The following LMAN2L variants were observed in gnomAD, a reference collection of about 807,000 sequenced individuals.
LMAN2L encodes VIP36-like protein.
LMAN2L carries 30 observed loss-of-function variants against 44.3 expected under a neutral mutation model. The ratio of observed to expected loss-of-function variants is 0.68; its 90% CI spans 0.51 to 0.92. The LOEUF (loss-of-function observed/expected upper bound fraction) is 0.92. Ranked by LOEUF, LMAN2L falls within the 40% of genes least tolerant of loss-of-function variation. The probability of loss-of-function intolerance (pLI) is 0.00; values close to 1 mark genes in which losing one functional copy is unlikely to be tolerated. For synonymous variants in LMAN2L, 183 were observed against 171.1 expected, an observed-to-expected ratio of 1.07 and a Z score of -0.54; for missense variants, 429 against 446.1, an observed-to-expected ratio of 0.96 and a Z score of 0.35.
In LMAN2L at chr2:96,705,965, G is replaced by A. The variant is rs2153318295; in HGVS notation, c.*1291C>T. On this transcript the variant is annotated 3_prime_UTR_variant, in exon 8 of 8. Coordinates refer to ENST00000264963, the MANE Select transcript of LMAN2L (RefSeq NM_030805.4). ...CGGTGATTTTAAGAATTTCATTTAG[G>A]CTACAGAGGTTCATAGGAGGACTCA... The A allele has an allele frequency of 1.3e-5, 2 of 152,554 alleles. No individual in the cohort carries two copies. Among genetic ancestry groups the A allele is most frequent in the South Asian group, 4.1e-4 (2 of 4,820 alleles). The allele number at this position is 152,554 out of a possible 1,614,324, so 9.5% of individuals were successfully genotyped here.
intron 2 of LMAN2L, among the ~76,000 whole-genome samples, chr2:96,736,236 T>C (rs2078512896): frequency 6.6e-6 from 1 of 152,182 alleles, no homozygotes; most frequent in Non-Finnish European, 1.5e-5. Context: ...TGGATTCACC[T>C]ACGGAGTTTT....
rs1235771374 is a variant in LMAN2L, at chr2:96,711,861, C to T, written c.669+3G>A. On this transcript the variant is annotated splice_donor_region_variant and intron_variant, in intron 5 of 7. Transcript: ENST00000264963. Reference sequence around the variant, plus strand: ...CCATCTGGTCCAGGACAAGGACTCTCACCGTCAAATGCCTCTTGACGTAGC... The same window carrying T: ...CCATCTGGTCCAGGACAAGGACTCTTACCGTCAAATGCCTCTTGACGTAGC... The T allele has an allele frequency of 6.2e-7, 1 of 1,614,238 alleles. No homozygotes were observed.
intron 6 of LMAN2L, among the ~76,000 whole-genome samples, chr2:96,710,629 AC>A (rs2153320976): frequency 6.6e-6 from 1 of 152,182 alleles, no homozygotes; most frequent in East Asian, 1.9e-4. Context: ...GCGCCACTGC[AC>A]CCCAGCCTGG....
At chr2:96,729,195 A>T (rs999135833) in intron 4 of LMAN2L, among the ~76,000 whole-genome samples, 2 of 151,780 alleles carry the variant, frequency 1.3e-5, no homozygotes, top group Admixed American at 6.6e-5. Flanking sequence ...AATAAAATAA[A>T]ATAAAACAAA....
chr2:96,732,375 G>C (rs1447130623), intron 4 of LMAN2L, among the ~76,000 whole-genome samples: 1 of 151,096 alleles, frequency 6.6e-6, no homozygotes, highest in Non-Finnish European at 1.5e-5. Flanking sequence ...GCCGGGCATG[G>C]TGACTCACGC....
intron 4 of LMAN2L, among the ~76,000 whole-genome samples, chr2:96,732,700 A>C (rs2078429373): frequency 6.6e-6 from 1 of 151,804 alleles, no homozygotes; most frequent in Non-Finnish European, 1.5e-5. Context: ...AGGTCAGGTA[A>C]CAAAAAGGCC....
chr2:96,710,527 G>A (rs1029319455), intron 6 of LMAN2L, among the ~76,000 whole-genome samples: 3 of 152,096 alleles, frequency 2.0e-5, no homozygotes, highest in Non-Finnish European at 4.4e-5. Context: ...TTAGCTGGGC[G>A]TGGTGGCGCG....
At chr2:96,715,353 T>G (rs193034282) in intron 4 of LMAN2L, among the ~76,000 whole-genome samples, 1 of 152,366 alleles carries the variant, frequency 6.6e-6, no homozygotes, top group East Asian at 1.9e-4. Context: ...TCTGTCTACT[T>G]CGGCAACACG....
intron 4 of LMAN2L, among the ~76,000 whole-genome samples, chr2:96,721,185 C>T (rs1306567718): frequency 6.6e-6 from 1 of 152,162 alleles, no homozygotes; most frequent in African/African-American, 2.4e-5. Flanking sequence ...TCTGTCTCTA[C>T]AGATTTGCCT....
At chr2:96,712,118 G>C (rs1352647731) in intron 4 of LMAN2L, 93 bp from the exon 5 acceptor site, 1 of 1,276,210 alleles carries the variant, frequency 7.8e-7, no homozygotes, top group African/African-American at 1.5e-5. Flanking sequence ...TACAAGTTGA[G>C]CCCCTTACAG....
At chr2:96,723,369 C>A (rs1012235891) in intron 4 of LMAN2L, among the ~76,000 whole-genome samples, 6 of 152,268 alleles carry the variant, frequency 3.9e-5, no homozygotes, top group Non-Finnish European at 7.4e-5. Context: ...AGATCTTTTG[C>A]CCATTTTCTA....
chr2:96,707,699 G>A lies in LMAN2L; in HGVS notation c.904+15C>T. 2 of 1,613,638 alleles carry A rather than the reference G, an allele frequency of 1.2e-6. No homozygotes were observed. Among genetic ancestry groups the A allele is most frequent in the Non-Finnish European group, 1.7e-6 (2 of 1,179,880 alleles). On this transcript the variant is annotated intron_variant, in intron 7 of 7. Transcript: ENST00000264963. ...CCCAACTATGGGACCATTTCCCGCG[G>A]GCCCCTGTGCTCACTCTCAGGCAGC...
At position 96,707,761 on chromosome 2, in the gene LMAN2L, T is replaced by C. The variant is rs1264135190; in HGVS notation, c.857A>G (p.His286Arg). ...CACTGAGGGCAAGAACACATCTCGA[T>C]GGAGCTTTTCCTCTTCTGGGGTTCT... is the stretch of plus-strand genomic sequence containing the variant. ...VERTPEEEKL[H>R]RDVFLPSVDN... Residue 286 changes from histidine (H) to arginine (R), a missense_variant, in exon 7 of 8, where the codon CAT (histidine) becomes CGT (arginine). Coordinates refer to ENST00000264963, the MANE Select transcript of LMAN2L (RefSeq NM_030805.4). 1.2e-6 allele frequency: 2 copies of C among 1,613,982 alleles called. No homozygotes were observed. Among genetic ancestry groups the C allele is most frequent in the African/African-American group, 1.3e-5 (1 of 74,932 alleles).
chr2:96,729,609 A>G (rs188479006), intron 4 of LMAN2L, among the ~76,000 whole-genome samples: 48 of 151,958 alleles, frequency 3.2e-4, no homozygotes, highest in African/African-American at 1.1e-3. Context: ...CCCAGGTTCA[A>G]GTGATTCTCC....
intron 4 of LMAN2L, among the ~76,000 whole-genome samples, chr2:96,724,940 T>C (rs2078236927): frequency 6.6e-6 from 1 of 152,166 alleles, no homozygotes. Flanking sequence ...CATGCCATTC[T>C]CCTGCCTCAG....
At chr2:96,731,966 G>A (rs1381999578) in intron 4 of LMAN2L, among the ~76,000 whole-genome samples, 1 of 151,826 alleles carries the variant, frequency 6.6e-6, no homozygotes, top group African/African-American at 2.4e-5. Context: ...TCCCACCTCA[G>A]CCTCCCAAGT....
At chr2:96,737,192 G>A (rs572978330) in intron 2 of LMAN2L, 8 of 455,238 alleles carry the variant, frequency 1.8e-5, no homozygotes, top group African/African-American at 4.0e-5. Flanking sequence ...ACTTCTTGTC[G>A]CCATACCTCA....
At chr2:96,724,121 G>A (rs1019863045) in intron 4 of LMAN2L, among the ~76,000 whole-genome samples, 1 of 151,884 alleles carries the variant, frequency 6.6e-6, no homozygotes, top group African/African-American at 2.4e-5. Flanking sequence ...GAAAGAAAAA[G>A]AAAATTAATT....
rs113669275 is a variant in LMAN2L, at chr2:96,734,595, A to G, written c.307-69T>C. The G allele has an allele frequency of 3.1e-6, 3 of 957,734 alleles. No homozygotes were observed. The African/African-American group carries it at 4.8e-5, about 15-fold the overall frequency. 59.3% of individuals were successfully genotyped at this position (957,734 alleles called of 1,614,324 possible). On this transcript the variant is annotated intron_variant, in intron 2 of 7. Coordinates refer to ENST00000264963, the MANE Select transcript of LMAN2L (RefSeq NM_030805.4). ...CAAAACCCCTCAAGCCCACATCAGCAATCAACAGACTTGGAAAACACAAAT... is the reference window on the plus strand; with the variant it reads ...CAAAACCCCTCAAGCCCACATCAGCGATCAACAGACTTGGAAAACACAAAT...
Sources: allele counts gnomAD v4.1 joint callset (sites outside exome capture counted in the v4.1 genomes callset), GRCh38; gene constraint gnomAD v4.1.1; transcripts MANE v1.5; gene names NCBI Gene and HGNC (gene_info 2026-07-23, HGNC 2026-07-21).